Variants in DPP10 observed in about 807,000 individuals in gnomAD.
DPP10 encodes the protein inactive dipeptidyl peptidase 10.
In DPP10, 33 loss-of-function variants were observed where a neutral mutation model predicts 120.9. The observed-to-expected ratio is 0.27, with a 90% confidence interval of 0.21 to 0.37. The LOEUF is 0.37. Ranked by LOEUF, DPP10 falls within the 10% of genes least tolerant of loss-of-function variation. The pLI is 1.00. For synonymous variants in DPP10, 337 were observed against 326.1 expected (o/e 1.03, Z -0.36); for missense variants, 816 against 942.8 (o/e 0.87, Z 1.76).
In DPP10 at chr2:115,555,535, G is replaced by A. The variant is rs539516358; in HGVS notation, c.441+29563G>A. ...CAGTACTATCTTTATTTCCCGTAAC[G>A]AGGGTTTTTGTCTTCCTGAGATGGG... On this transcript the variant is annotated intron_variant, in intron 5 of 25. Transcript: ENST00000410059. Among the ~76,000 whole-genome samples the A allele has an allele frequency of 3.0e-4, 45 of 152,134 alleles. No homozygotes were observed. In the South Asian group the frequency reaches 3.5e-3, roughly 12 times the overall value.
At chr2:115,704,268 C>G (rs903094348) in intron 7 of DPP10, among the ~76,000 whole-genome samples, 18 of 151,820 alleles carry the variant, frequency 1.2e-4, no homozygotes, top group Non-Finnish European at 4.4e-5. Flanking sequence ...CTTCAAAAGT[C>G]TTTGTTAAAT....
chr2:114,995,711 T>C (rs1324276030), intron 1 of DPP10, among the ~76,000 whole-genome samples: 1 of 152,204 alleles, frequency 6.6e-6, no homozygotes, highest in Non-Finnish European at 1.5e-5. Flanking sequence ...CCAGCAAGTT[T>C]GGAAACATCA....
chr2:114,516,715 A>T (rs963316961), intron 1 of DPP10, among the ~76,000 whole-genome samples: 6 of 152,254 alleles, frequency 3.9e-5, no homozygotes, highest in African/African-American at 1.4e-4. Context: ...GCTTCTAAAT[A>T]GTTTAAACTG....
intron 1 of DPP10, among the ~76,000 whole-genome samples, chr2:115,173,462 G>C (rs574528530): frequency 8.5e-5 from 13 of 152,280 alleles, no homozygotes; most frequent in African/African-American, 2.9e-4. Context: ...CAAGAAAAAG[G>C]TATTTTAGAG....
rs183528608 is a variant in DPP10 at position 115,347,344 on chromosome 2, C to T, written c.271+3432C>T. ...TGCCAGATATAAGGCAGAACTCCCCCGGAAATAGGGTCTTATGATCTATTA... is the reference window on the plus strand; with the variant it reads ...TGCCAGATATAAGGCAGAACTCCCCTGGAAATAGGGTCTTATGATCTATTA... On this transcript the variant is annotated intron_variant, in intron 3 of 25. Coordinates refer to ENST00000410059, the MANE Select transcript of DPP10 (RefSeq NM_020868.6). Among the ~76,000 whole-genome samples the T allele has an allele frequency of 8.5e-5, 13 of 152,202 alleles. No homozygotes were observed. In the East Asian group the frequency reaches 2.1e-3, roughly 25 times the overall value.
At chr2:114,562,605 C>T (rs1036220002) in intron 1 of DPP10, among the ~76,000 whole-genome samples, 1 of 152,112 alleles carries the variant, frequency 6.6e-6, no homozygotes, top group Non-Finnish European at 1.5e-5. Context: ...CTGTAAAGTA[C>T]ACTGAATTCC....
chr2:114,680,938 T>C (rs1339615166), intron 1 of DPP10, among the ~76,000 whole-genome samples: 1 of 151,990 alleles, frequency 6.6e-6, no homozygotes, highest in African/African-American at 2.4e-5. Context: ...AACATGTACC[T>C]ATTCCATGTT....
At chr2:114,613,445 T>C (rs777749535) in intron 1 of DPP10, among the ~76,000 whole-genome samples, 3 of 152,108 alleles carry the variant, frequency 2.0e-5, no homozygotes, top group Non-Finnish European at 4.4e-5. Context: ...GAATGGCAAT[T>C]ATTAAAAAGT....
chr2:114,447,242 C>G (rs777237025), intron 1 of DPP10, among the ~76,000 whole-genome samples: 1 of 151,956 alleles, frequency 6.6e-6, no homozygotes, highest in Admixed American at 6.6e-5. Context: ...TTATCCACCC[C>G]TCTCAGCCTC....
At chr2:114,647,744 G>A (rs970260806) in intron 1 of DPP10, among the ~76,000 whole-genome samples, 6 of 150,060 alleles carry the variant, frequency 4.0e-5, no homozygotes, top group African/African-American at 1.5e-4. Context: ...AATTCCCATC[G>A]CATCCTAGAT....
intron 2 of DPP10, among the ~76,000 whole-genome samples, chr2:115,314,162 T>C (rs2061690697): frequency 6.6e-6 from 1 of 152,184 alleles, no homozygotes; most frequent in Admixed American, 6.5e-5. Context: ...GTGCATATTT[T>C]ATGAGTCAGA....
At chr2:115,651,689 A>G (rs1362115547) in intron 5 of DPP10, among the ~76,000 whole-genome samples, 1 of 151,990 alleles carries the variant, frequency 6.6e-6, no homozygotes, top group African/African-American at 2.4e-5. Flanking sequence ...TGATCATACC[A>G]TATGGGGACT....
At chr2:115,177,977 A>G (rs1383673633) in intron 1 of DPP10, among the ~76,000 whole-genome samples, 1 of 152,058 alleles carries the variant, frequency 6.6e-6, no homozygotes, top group African/African-American at 2.4e-5. Flanking sequence ...GTTAGCCAGG[A>G]TGATCTCGAT....
intron 5 of DPP10, among the ~76,000 whole-genome samples, chr2:115,602,589 T>C (rs891475855): frequency 1.3e-5 from 2 of 152,178 alleles, no homozygotes; most frequent in Non-Finnish European, 1.5e-5. Flanking sequence ...TCATGTAAAG[T>C]TGCTGATTTT....
At chr2:114,501,036 A>G (rs1217702501) in intron 1 of DPP10, among the ~76,000 whole-genome samples, 3 of 152,222 alleles carry the variant, frequency 2.0e-5, no homozygotes, top group Non-Finnish European at 4.4e-5. Context: ...ATAGTTACAA[A>G]GATGAGCAGT....
At chr2:114,594,943 C>T (rs1168154379) in intron 1 of DPP10, among the ~76,000 whole-genome samples, 3 of 151,976 alleles carry the variant, frequency 2.0e-5, no homozygotes, top group Admixed American at 1.3e-4. Context: ...CTGTCTCCCC[C>T]AGCCCCCACT....
chr2:115,540,230 A>G (rs1002860253), intron 5 of DPP10, among the ~76,000 whole-genome samples: 2 of 151,984 alleles, frequency 1.3e-5, no homozygotes, highest in African/African-American at 4.8e-5. Flanking sequence ...CTGTACTTGA[A>G]ATAGACTGAA....
chr2:114,862,680 A>G lies in DPP10; in HGVS notation c.60+419842A>G, dbSNP rs535407157. ...TATATCAGAAATAAATGTGAAAGCT[A>G]TACAACAGATAATCAGTTGGAAAAG... On this transcript the variant is annotated intron_variant, in intron 1 of 25. Coordinates refer to ENST00000410059, the MANE Select transcript of DPP10 (RefSeq NM_020868.6). 1.3e-3 allele frequency among the ~76,000 whole-genome samples: 202 copies of G among 152,348 alleles called. 1 individual carries two copies. The highest frequency in any genetic ancestry group is 3.4e-3 in the Middle Eastern group (1 of 294).
chr2:115,210,342 A>G (rs1237085515), intron 1 of DPP10, among the ~76,000 whole-genome samples: 4 of 152,142 alleles, frequency 2.6e-5, no homozygotes, highest in Non-Finnish European at 5.9e-5. Flanking sequence ...CCTACAAAGG[A>G]CATGAACTGA....
Sources: gnomAD v4.1 joint callset for allele counts (sites outside exome capture counted in the v4.1 genomes callset) on GRCh38, gnomAD v4.1.1 for gene constraint, MANE v1.5 for transcripts, NCBI Gene and HGNC (gene_info 2026-07-23, HGNC 2026-07-21) for gene names.